DTNB: variants seen among roughly 807,000 people sequenced by gnomAD.
DTNB encodes DTN-B.
Under a neutral mutation model 90.7 loss-of-function variants are expected in DTNB, and 63 were observed. The observed-to-expected ratio is 0.69, with a 90% CI of 0.57 to 0.86. The LOEUF (loss-of-function observed/expected upper bound fraction) is 0.86. Ranked by LOEUF, DTNB falls within the 40% of genes least tolerant of loss-of-function variation. The probability of loss-of-function intolerance (pLI) is 0.00; values close to 1 mark genes in which losing one functional copy is unlikely to be tolerated. For synonymous variants in DTNB, 277 were observed against 286.7 expected (o/e 0.97, Z 0.34); for missense variants, 744 against 807.1 (o/e 0.92, Z 0.95).
At chr2:25,547,595 T>C (rs2151076691) in intron 8 of DTNB, among the ~76,000 whole-genome samples, 1 of 152,278 alleles carries the variant, frequency 6.6e-6, no homozygotes, top group African/African-American at 2.4e-5. Context: ...AATATGCACC[T>C]GTATCCTTAT....
At chr2:25,626,235 T>C (rs528004341) in intron 4 of DTNB, among the ~76,000 whole-genome samples, 2 of 152,324 alleles carry the variant, frequency 1.3e-5, no homozygotes, top group South Asian at 2.1e-4. Context: ...TTAAAAAATA[T>C]TGTTTCTTGA....
chr2:25,580,924 TACAC>T, intron 6 of DTNB, 98 bp from the exon 7 acceptor site: 1 of 966,968 alleles, frequency 1.0e-6, no homozygotes, highest in Non-Finnish European at 1.5e-6. Flanking sequence ...TTTAGTGAAT[TACAC>T]GGTAAATTTT....
chr2:25,533,692 C>A (rs1266163827), intron 8 of DTNB, among the ~76,000 whole-genome samples: 1 of 152,252 alleles, frequency 6.6e-6, no homozygotes, highest in Non-Finnish European at 1.5e-5. Context: ...TCAAAATACA[C>A]TGTGTTCTTT....
intron 8 of DTNB, among the ~76,000 whole-genome samples, chr2:25,542,865 T>C (rs967070610): frequency 6.6e-6 from 1 of 152,192 alleles, no homozygotes; most frequent in Non-Finnish European, 1.5e-5. Context: ...TATGATATTA[T>C]ACTAATTCTT....
intron 16 of DTNB, among the ~76,000 whole-genome samples, chr2:25,413,120 G>A (rs1345567873): frequency 6.6e-6 from 1 of 152,112 alleles, no homozygotes; most frequent in Admixed American, 6.5e-5. Flanking sequence ...CCATGTATCA[G>A]TATATTTTCT....
At chr2:25,536,613 A>ATC (rs2079846346) in intron 8 of DTNB, among the ~76,000 whole-genome samples, 1 of 151,700 alleles carries the variant, frequency 6.6e-6, no homozygotes. Flanking sequence ...GAGGCAAGAG[A>ATC]ATCACCGGAG....
chr2:25,503,896 G>A (rs555955218), intron 9 of DTNB, among the ~76,000 whole-genome samples: 36 of 150,510 alleles, frequency 2.4e-4, no homozygotes, highest in African/African-American at 8.1e-4. Flanking sequence ...CAGCCTGGGC[G>A]ACACAGCAAG....
intron 16 of DTNB, among the ~76,000 whole-genome samples, chr2:25,404,205 G>T (rs181950103): frequency 3.7e-4 from 56 of 152,316 alleles, no homozygotes; most frequent in African/African-American, 1.3e-3. Context: ...GAGGGAGTCA[G>T]GTACGTATGC....
intron 16 of DTNB, among the ~76,000 whole-genome samples, chr2:25,416,994 C>T (rs1011384186): frequency 6.6e-6 from 1 of 152,160 alleles, no homozygotes; most frequent in African/African-American, 2.4e-5. Flanking sequence ...CATTGAATTA[C>T]GTAAAGTCAT....
intron 9 of DTNB, among the ~76,000 whole-genome samples, chr2:25,492,850 C>CAA (rs962794228): frequency 7.0e-6 from 1 of 143,776 alleles, no homozygotes; most frequent in African/African-American, 2.6e-5. Context: ...ACCTTGTCTC[C>CAA]AAAAAAAAAA....
chr2:25,434,227 C>T (rs2054909930), intron 12 of DTNB, among the ~76,000 whole-genome samples: 1 of 152,066 alleles, frequency 6.6e-6, no homozygotes, highest in African/African-American at 2.4e-5. Context: ...TCCCTCATGC[C>T]AGTTTGTCAC....
At chr2:25,660,827 A>G (rs924631986) in intron 1 of DTNB, among the ~76,000 whole-genome samples, 7 of 152,136 alleles carry the variant, frequency 4.6e-5, no homozygotes, top group African/African-American at 1.4e-4. Context: ...CTCTTGCTGC[A>G]CAAGGTCAAG....
At chr2:25,437,604 G>A (rs1335622074) in intron 12 of DTNB, among the ~76,000 whole-genome samples, 1 of 151,974 alleles carries the variant, frequency 6.6e-6, no homozygotes, top group African/African-American at 2.4e-5. Flanking sequence ...TTAAGAAGAA[G>A]AAGAAGAAAA....
intron 2 of DTNB, among the ~76,000 whole-genome samples, chr2:25,641,337 C>T (rs984982555): frequency 5.3e-5 from 8 of 152,212 alleles, no homozygotes; most frequent in Admixed American, 1.3e-4. Flanking sequence ...ATTGTGCCAA[C>T]ATTCTACTAA....
chr2:25,396,759 G>A (rs2042485086), intron 16 of DTNB, among the ~76,000 whole-genome samples: 1 of 144,684 alleles, frequency 6.9e-6, no homozygotes, highest in Admixed American at 6.9e-5. Flanking sequence ...AAAAAAGACT[G>A]GTGCTAGGGA....
chr2:25,395,769 T>C lies in DTNB; in HGVS notation c.1576-7408A>G, dbSNP rs572363075. ...TGAGCAAGGAAGCTAGATAAAAATTTATGTTGTGAAGAAAGCACTAGAGAT... is the reference window on the plus strand; with the variant it reads ...TGAGCAAGGAAGCTAGATAAAAATTCATGTTGTGAAGAAAGCACTAGAGAT... On this transcript the variant is annotated intron_variant, in intron 16 of 20. Transcript: ENST00000406818. Among the ~76,000 whole-genome samples, 8 of 152,282 alleles carry C rather than the reference T, an allele frequency of 5.3e-5. No homozygotes were observed. In the South Asian group the frequency reaches 1.7e-3, roughly 32 times the overall value.
chr2:25,646,149 G>T (rs1225006385), intron 2 of DTNB, among the ~76,000 whole-genome samples: 3 of 152,008 alleles, frequency 2.0e-5, no homozygotes, highest in Non-Finnish European at 4.4e-5. Context: ...GTACCTCTCG[G>T]GCATTAATAA....
chr2:25,590,354 G>C (rs1220693683), intron 6 of DTNB, among the ~76,000 whole-genome samples: 1 of 152,248 alleles, frequency 6.6e-6, no homozygotes, highest in East Asian at 1.9e-4. Context: ...ATGTGGAAAA[G>C]TGGAGGGTAA....
intron 6 of DTNB, among the ~76,000 whole-genome samples, chr2:25,590,017 C>A (rs1003019314): frequency 6.6e-6 from 1 of 152,210 alleles, no homozygotes. Context: ...GGCACCAGCA[C>A]GGGCCCTGGC....
Sources: gnomAD v4.1 joint callset for allele counts (sites outside exome capture counted in the v4.1 genomes callset) on GRCh38, gnomAD v4.1.1 for gene constraint, MANE v1.5 for transcripts, NCBI Gene and HGNC (gene_info 2026-07-23, HGNC 2026-07-21) for gene names.